Variants in SBNO1 observed in about 807,000 individuals in gnomAD.
SBNO1 encodes strawberry notch homolog 1.
A neutral mutation model predicts 173.6 loss-of-function variants in SBNO1; 23 were observed. The ratio of observed to expected loss-of-function variants is 0.13; its 90% CI spans 0.10 to 0.19. SBNO1 has a LOEUF of 0.19. SBNO1 is among the 10% of genes least tolerant of loss of function. The pLI is 1.00. For synonymous variants in SBNO1, 632 were observed against 571.5 expected, an observed-to-expected ratio of 1.11 and a Z score of -1.51; for missense variants, 1,238 against 1,671.2, an observed-to-expected ratio of 0.74 and a Z score of 4.52.
intron 28 of SBNO1, among the ~76,000 whole-genome samples, chr12:123,308,566 C>A (rs1316729947): frequency 6.6e-6 from 1 of 151,896 alleles, no homozygotes; most frequent in African/African-American, 2.4e-5. Flanking sequence ...CTGCTACTCT[C>A]GGGAGGCTGA....
chr12:123,309,180 CA>C (rs1204031786), intron 28 of SBNO1, 129 bp downstream of exon 28: 14 of 677,958 alleles, frequency 2.1e-5, no homozygotes, highest in Non-Finnish European at 3.1e-5. Flanking sequence ...CACACAATTA[CA>C]ATGATAAATT....
chr12:123,301,129 T>G (rs1199410817), intron 30 of SBNO1, among the ~76,000 whole-genome samples: 1 of 151,970 alleles, frequency 6.6e-6, no homozygotes, highest in Non-Finnish European at 1.5e-5. Flanking sequence ...TGCCTCAGCC[T>G]CCCAAGTAGC....
At position 123,348,239 on chromosome 12, in the gene SBNO1, T is replaced by A; in HGVS notation, c.133-106A>T. On this transcript the variant is annotated intron_variant, in intron 2 of 31. Transcript: ENST00000602398. ...AAAATATCAAGTTTAACATTCAAAC[T>A]GACGTTAAATCACTAACAGCAGATT... 8.5e-6 allele frequency: 5 copies of A among 586,086 alleles called. 1 individual carries two copies. In the South Asian group the frequency reaches 9.6e-5, roughly 11 times the overall value. 36.3% of individuals were successfully genotyped at this position (586,086 alleles called of 1,614,324 possible).
rs1343571043 is a variant in SBNO1, at chr12:123,292,898, T to C, written c.*3010A>G. 1.3e-5 allele frequency: 2 copies of C among 152,336 alleles called. No homozygotes were observed. Among genetic ancestry groups the C allele is most frequent in the South Asian group, 2.1e-4 (1 of 4,834 alleles). The allele number at this position is 152,336 out of a possible 1,614,324, so 9.4% of individuals were successfully genotyped here. A position where few individuals can be genotyped will look rare whatever the true frequency, so the allele number is the denominator to read the frequency against. ...TTAATACTCCTATGAATTTGTATCA[T>C]TGATAGTGTATCTGGATAATCCCAG... On this transcript the variant is annotated 3_prime_UTR_variant, in exon 32 of 32. Coordinates refer to ENST00000602398, the MANE Select transcript of SBNO1 (RefSeq NM_001167856.3).
intron 1 of SBNO1, among the ~76,000 whole-genome samples, chr12:123,361,729 T>A (rs377698549): frequency 1.3e-4 from 18 of 133,756 alleles, no homozygotes; most frequent in African/African-American, 2.0e-4. Flanking sequence ...CAAGACAGTC[T>A]AAAAAAAAAA....
At chr12:123,304,837 G>A (rs528376901) in intron 28 of SBNO1, 118 bp from the exon 29 acceptor site, 101 of 702,222 alleles carry the variant, frequency 1.4e-4, no homozygotes, top group East Asian at 4.3e-4. Flanking sequence ...GTAAGTACAC[G>A]GTAACTTCAA....
At chr12:123,312,654 T>C (rs1868731554) in intron 24 of SBNO1, among the ~76,000 whole-genome samples, 2 of 150,532 alleles carry the variant, frequency 1.3e-5, no homozygotes, top group Admixed American at 6.7e-5. Flanking sequence ...GAGGTTGCAC[T>C]GAGCCAAGAT....
chr12:123,363,925 C>G, intron 1 of SBNO1: 1 of 985,460 alleles, frequency 1.0e-6, no homozygotes. Context: ...GCGGTTAAAC[C>G]GACCCCAAAC....
chr12:123,315,508 GATC>G lies in SBNO1; in HGVS notation c.3048+37_3048+39del, dbSNP rs757134299. The G allele has an allele frequency of 1.9e-6, 3 of 1,582,976 alleles. No homozygotes were observed. The Admixed American group carries it at 5.0e-5, about 26-fold the overall frequency. Reference sequence around the variant, plus strand: ...CTTTTACCAGAAAACAGGTACAATAGATCATCATTTACACACAGCCACACAACT... The same window carrying G: ...CTTTTACCAGAAAACAGGTACAATAGATCATTTACACACAGCCACACAACT... On this transcript the variant is annotated intron_variant, in intron 22 of 31. Transcript: ENST00000602398.
At chr12:123,313,961 G>A (rs1566029285) in intron 23 of SBNO1, among the ~76,000 whole-genome samples, 1 of 151,818 alleles carries the variant, frequency 6.6e-6, no homozygotes, top group Non-Finnish European at 1.5e-5. Context: ...GCAGACACCT[G>A]TAATCCCAGC....
At chr12:123,297,886 G>T in intron 31 of SBNO1, 92 bp downstream of exon 31, 2 of 1,111,440 alleles carry the variant, frequency 1.8e-6, no homozygotes, top group Non-Finnish European at 2.7e-6. Context: ...GATGTTAGAT[G>T]CATGTGGAAT....
chr12:123,289,788 A>G lies in SBNO1; in HGVS notation c.*6120T>C, dbSNP rs950104533. 2.0e-5 allele frequency: 3 copies of G among 152,220 alleles called. No homozygotes were observed. Among genetic ancestry groups the G allele is most frequent in the Non-Finnish European group, 4.4e-5 (3 of 68,038 alleles). The allele number at this position is 152,220 out of a possible 1,614,324, so 9.4% of individuals were successfully genotyped here. ...GGTGAGACTGCAATGTGCTATGTAG[A>G]AAAAAAGCTCTCTCTGCCCCATAAA... On this transcript the variant is annotated 3_prime_UTR_variant, in exon 32 of 32. Transcript: ENST00000602398.
chr12:123,324,097 TA>T (rs1870318275), intron 15 of SBNO1, among the ~76,000 whole-genome samples: 2 of 152,292 alleles, frequency 1.3e-5, no homozygotes, highest in South Asian at 4.1e-4. Context: ...ATTTTAATAA[TA>T]CATTTTAACT....
In SBNO1 at chr12:123,293,010, G is replaced by A. The variant is rs1453656724; in HGVS notation, c.*2898C>T. 6.6e-6 allele frequency: 1 copy of A among 152,204 alleles called. No homozygotes were observed. The highest frequency in any genetic ancestry group is 1.5e-5 in the Non-Finnish European group (1 of 68,038). 9.4% of individuals were successfully genotyped at this position (152,204 alleles called of 1,614,324 possible). On this transcript the variant is annotated 3_prime_UTR_variant, in exon 32 of 32. Transcript: ENST00000602398. ...CAGAGATAACATCTGAGCTGCTTTA[G>A]ACTCTGGAAGTGGTTTTCAGTACAA...
intron 1 of SBNO1, among the ~76,000 whole-genome samples, chr12:123,357,742 G>A (rs1874631403): frequency 6.6e-6 from 1 of 152,176 alleles, no homozygotes; most frequent in Non-Finnish European, 1.5e-5. Flanking sequence ...CGAAAGAGGA[G>A]ACTCCATCTC....
At position 123,364,736 on chromosome 12, in the gene SBNO1, C is replaced by G; in HGVS notation, c.-36G>C. 3 of 987,706 alleles carry G rather than the reference C, an allele frequency of 3.0e-6. No homozygotes were observed. Among genetic ancestry groups the G allele is most frequent in the Non-Finnish European group, 3.6e-6 (3 of 831,246 alleles). 61.2% of individuals were successfully genotyped at this position (987,706 alleles called of 1,614,324 possible). A position where few individuals can be genotyped will look rare whatever the true frequency, so the allele number is the denominator to read the frequency against. ...GGACCCGGCGCCAGCACAGCTCCTC[C>G]CGGGAGGTGTGAGTTTGAAGGACCA... On this transcript the variant is annotated 5_prime_UTR_variant, in exon 1 of 32. Transcript: ENST00000602398.
intron 17 of SBNO1, 37 bp from the exon 18 acceptor site, chr12:123,320,903 T>G: frequency 1.4e-6 from 2 of 1,429,522 alleles, no homozygotes; most frequent in South Asian, 1.3e-5. Context: ...AAATCATTTG[T>G]TAAAACAAGT....
At chr12:123,311,451 G>A (rs1447105749) in intron 24 of SBNO1, among the ~76,000 whole-genome samples, 1 of 151,774 alleles carries the variant, frequency 6.6e-6, no homozygotes, top group East Asian at 1.9e-4. Context: ...TCAGCTCACT[G>A]CAACCTCTGC....
At chr12:123,332,685 G>T (rs1871356136) in intron 7 of SBNO1, among the ~76,000 whole-genome samples, 1 of 152,028 alleles carries the variant, frequency 6.6e-6, no homozygotes, top group Non-Finnish European at 1.5e-5. Flanking sequence ...TCCTGACTTA[G>T]CTTCCCAAGT....
Sources: gnomAD v4.1 joint callset for allele counts (sites outside exome capture counted in the v4.1 genomes callset) on GRCh38, gnomAD v4.1.1 for gene constraint, MANE v1.5 for transcripts, NCBI Gene and HGNC (gene_info 2026-07-23, HGNC 2026-07-21) for gene names.